Variants in DIP2C observed in about 807,000 individuals in gnomAD.
The protein encoded by DIP2C is disco-interacting protein 2 homolog C.
Under a neutral mutation model 192.4 loss-of-function variants are expected in DIP2C, and 33 were observed. That is an observed-to-expected ratio of 0.17 (90% confidence interval 0.13 to 0.23). The LOEUF is 0.23. Ranked by LOEUF, DIP2C falls within the 10% of genes least tolerant of loss-of-function variation. The pLI, the probability that DIP2C is intolerant of heterozygous loss-of-function variation, is 1.00. For missense variants in DIP2C, 1,537 were observed against 2,110.1 expected (o/e 0.73, Z 5.32); for synonymous variants, 979 against 864.1 (o/e 1.13, Z -2.33).
intron 1 of DIP2C, among the ~76,000 whole-genome samples, chr10:607,249 GCAGCTCAAACACCTAAACA>G (rs1186134968): frequency 3.3e-5 from 5 of 152,198 alleles, no homozygotes; most frequent in African/African-American, 1.2e-4. Flanking sequence ...CTCTTTTAAG[GCAGCTCAAACACCTAAACA>G]CAGGAACGGT....
chr10:303,216 C>G (rs867467404), intron 32 of DIP2C, among the ~76,000 whole-genome samples: 1 of 151,940 alleles, frequency 6.6e-6, no homozygotes, highest in Non-Finnish European at 1.5e-5. Context: ...CGGCTGTAGA[C>G]TTTGTAAAAA....
intron 1 of DIP2C, among the ~76,000 whole-genome samples, chr10:544,151 G>A (rs1408576663): frequency 2.0e-5 from 3 of 150,660 alleles, no homozygotes; most frequent in Non-Finnish European, 4.4e-5. Flanking sequence ...CGTGACCTTT[G>A]GTGTGACCTT....
intron 2 of DIP2C, among the ~76,000 whole-genome samples, chr10:480,312 T>C (rs990634739): frequency 6.8e-6 from 1 of 147,402 alleles, no homozygotes; most frequent in Admixed American, 6.7e-5. Context: ...TCCACCAGCC[T>C]GAGCTCCGGT....
At position 595,805 on chromosome 10, in the gene DIP2C, C is replaced by T. The variant is rs527257427; in HGVS notation, c.85+93689G>A. Among the ~76,000 whole-genome samples the T allele has an allele frequency of 9.1e-4, 138 of 152,312 alleles. 1 individual carries two copies. Among genetic ancestry groups the T allele is most frequent in the African/African-American group, 2.4e-3 (99 of 41,568 alleles). ...AAAAAAATTAACGTAAATGATCCTT[C>T]GAAGCTCAAGCCCATGTTGTTCAGG... On this transcript the variant is annotated intron_variant, in intron 1 of 36. Coordinates refer to ENST00000280886, the MANE Select transcript of DIP2C (RefSeq NM_014974.3).
At chr10:545,166 CTTTTTTTT>C (rs60185327) in intron 1 of DIP2C, among the ~76,000 whole-genome samples, 6 of 86,336 alleles carry the variant, frequency 6.9e-5, no homozygotes, top group Admixed American at 4.2e-4. Flanking sequence ...GGTGTTTTCC[CTTTTTTTT>C]TTTTTTTTTT....
At chr10:569,604 T>A (rs890785773) in intron 1 of DIP2C, among the ~76,000 whole-genome samples, 10 of 151,264 alleles carry the variant, frequency 6.6e-5, no homozygotes, top group South Asian at 2.1e-4. Context: ...TATTCTTTTT[T>A]AAAAAAAAGC....
At chr10:385,562 G>C (rs1411817166) in intron 14 of DIP2C, among the ~76,000 whole-genome samples, 1 of 152,174 alleles carries the variant, frequency 6.6e-6, no homozygotes, top group Non-Finnish European at 1.5e-5. Context: ...GCAGGGCTAG[G>C]GGAAGCTCGG....
intron 32 of DIP2C, among the ~76,000 whole-genome samples, chr10:298,405 T>C (rs983228272): frequency 1.3e-5 from 2 of 152,246 alleles, no homozygotes; most frequent in Admixed American, 6.5e-5. Flanking sequence ...TCATCACTGA[T>C]GGTGACCTCG....
rs190541786 is a variant in DIP2C, at chr10:580,293, A to C, written c.86-93763T>G. On this transcript the variant is annotated intron_variant, in intron 1 of 36. Coordinates refer to ENST00000280886, the MANE Select transcript of DIP2C (RefSeq NM_014974.3). The stretch of plus-strand genomic sequence containing the variant: ...TACATAGTGTATGTACATATGCAGC[A>C]TGCGTACATTAGTGTGCACATATCC... 1.9e-3 allele frequency among the ~76,000 whole-genome samples: 296 copies of C among 152,292 alleles called. 1 individual carries two copies. Among genetic ancestry groups the C allele is most frequent in the Middle Eastern group, 0.01 (3 of 294 alleles).
At chr10:358,794 T>G (rs1238153224) in intron 22 of DIP2C, among the ~76,000 whole-genome samples, 2 of 4,472 alleles carry the variant, frequency 4.5e-4, no homozygotes, top group African/African-American at 1.0e-3. Context: ...GGGACGGGGG[T>G]GGGAGGTGGG....
intron 1 of DIP2C, among the ~76,000 whole-genome samples, chr10:488,308 T>C (rs1248178935): frequency 2.0e-5 from 3 of 152,230 alleles, no homozygotes; most frequent in Non-Finnish European, 4.4e-5. Flanking sequence ...GGCCTGCTCC[T>C]TGCCGAGCTG....
At chr10:502,041 TAG>T in intron 1 of DIP2C, among the ~76,000 whole-genome samples, 1 of 152,116 alleles carries the variant, frequency 6.6e-6, no homozygotes. Flanking sequence ...AGTTACTCAG[TAG>T]GCTGAGGTGG....
intron 1 of DIP2C, among the ~76,000 whole-genome samples, chr10:585,169 T>G (rs903639156): frequency 6.6e-6 from 1 of 152,200 alleles, no homozygotes; most frequent in African/African-American, 2.4e-5. Flanking sequence ...AAGCTTGACC[T>G]CTATGAGCCC....
At position 302,449 on chromosome 10, in the gene DIP2C, G is replaced by T. The variant is rs531593256; in HGVS notation, c.3986+7582C>A. On this transcript the variant is annotated intron_variant, in intron 32 of 36. Coordinates refer to ENST00000280886, the MANE Select transcript of DIP2C (RefSeq NM_014974.3). Reference sequence around the variant, plus strand: ...CTCAGCTCTGGTACCCAAGGGACGGGGGAGTGAGGGTGAGGCTCCTGGGTA... The same window carrying T: ...CTCAGCTCTGGTACCCAAGGGACGGTGGAGTGAGGGTGAGGCTCCTGGGTA... Among the ~76,000 whole-genome samples, 65 of 152,326 alleles carry T rather than the reference G, an allele frequency of 4.3e-4. 2 individuals are homozygous for T. The highest frequency in any genetic ancestry group is 1.5e-3 in the African/African-American group (63 of 41,572).
intron 1 of DIP2C, among the ~76,000 whole-genome samples, chr10:531,578 G>A (rs527615460): frequency 5.3e-5 from 8 of 152,236 alleles, no homozygotes; most frequent in African/African-American, 1.2e-4. Flanking sequence ...AGCGTCTATC[G>A]CCCTAAAGCC....
intron 1 of DIP2C, among the ~76,000 whole-genome samples, chr10:583,009 A>G (rs1850763534): frequency 6.6e-6 from 1 of 152,270 alleles, no homozygotes; most frequent in Non-Finnish European, 1.5e-5. Flanking sequence ...TTTGCCACAC[A>G]TAATACATGG....
chr10:435,099 T>C (rs914964585), intron 4 of DIP2C, among the ~76,000 whole-genome samples: 2 of 152,228 alleles, frequency 1.3e-5, no homozygotes, highest in African/African-American at 4.8e-5. Context: ...TTCTTCTCCT[T>C]GTATTACCGT....
chr10:678,817 C>T (rs529736668), intron 1 of DIP2C, among the ~76,000 whole-genome samples: 1 of 128,490 alleles, frequency 7.8e-6, no homozygotes, highest in African/African-American at 3.6e-5. Context: ...ATGCTCCCCG[C>T]GCCCATGCTC....
intron 2 of DIP2C, 117 bp from the exon 3 acceptor site, chr10:472,666 G>C: frequency 1.1e-6 from 1 of 875,438 alleles, no homozygotes; most frequent in South Asian, 1.6e-5. Flanking sequence ...ACGGGACTGG[G>C]CATGGCGGCG....
Sources: gnomAD v4.1 joint callset for allele counts (sites outside exome capture counted in the v4.1 genomes callset) on GRCh38, gnomAD v4.1.1 for gene constraint, MANE v1.5 for transcripts, NCBI Gene and HGNC (gene_info 2026-07-23, HGNC 2026-07-21) for gene names.